TARS3: variants seen among roughly 807,000 people sequenced by gnomAD.
TARS3 encodes threonyl-tRNA synthetase 3.
A neutral mutation model predicts 103.5 loss-of-function variants in TARS3; 94 were observed. That is an observed-to-expected ratio of 0.91 (90% CI 0.77 to 1.08). TARS3 has a LOEUF of 1.08. Ranked by LOEUF, TARS3 falls within the 50% of genes least tolerant of loss-of-function variation. The probability of loss-of-function intolerance (pLI) is 0.00; values close to 1 mark genes in which losing one functional copy is unlikely to be tolerated. For synonymous variants in TARS3, 416 were observed against 355.4 expected (o/e 1.17, Z -1.92); for missense variants, 952 against 995.2 (o/e 0.96, Z 0.58).
rs1332130016 is a variant in TARS3 at position 101,671,733 on chromosome 15, A to G, written c.1804T>C (p.Leu602=). ...TTCCACGGTTCTCCAAAGTCCATCA[A>G]GCTGTTCTGCAGTTGCTTTTTCAAA... is the stretch of plus-strand genomic sequence containing the variant. ...NEAEKQLQNS[L]MDFGEPWKMN... The change falls in exon 14 of 19, where the codon TTG becomes CTG. Residue 602 remains leucine (L), a synonymous_variant. Transcript: ENST00000335968. 6.2e-7 allele frequency: 1 copy of G among 1,614,052 alleles called. No homozygotes were observed. The highest frequency in any genetic ancestry group is 8.5e-7 in the Non-Finnish European group (1 of 1,179,996).
chr15:101,709,017 T>C (rs1343236839), intron 5 of TARS3, 107 bp from the exon 6 acceptor site: 7 of 720,338 alleles, frequency 9.7e-6, no homozygotes, highest in African/African-American at 3.6e-5. Context: ...TGCTGTCTTA[T>C]TGTTCCAGGA....
chr15:101,686,672 T>C (rs1898490154), intron 10 of TARS3, among the ~76,000 whole-genome samples: 1 of 152,184 alleles, frequency 6.6e-6, no homozygotes, highest in African/African-American at 2.4e-5. Flanking sequence ...GTGATCTTTG[T>C]TGGGTAAATA....
chr15:101,723,937 ACCGAG>A (rs1900621773), intron 1 of TARS3, among the ~76,000 whole-genome samples, 149 bp downstream of exon 1: 1 of 132,942 alleles, frequency 7.5e-6, no homozygotes, highest in Non-Finnish European at 1.6e-5. Flanking sequence ...ACACGGGACC[ACCGAG>A]CAGGGCAGGG....
At chr15:101,715,919 T>C (rs1249697693) in intron 3 of TARS3, among the ~76,000 whole-genome samples, 1 of 152,276 alleles carries the variant, frequency 6.6e-6, no homozygotes, top group Non-Finnish European at 1.5e-5. Context: ...TTAAAATCTT[T>C]ATCAATGTGA....
intron 12 of TARS3, 70 bp from the exon 13 acceptor site, chr15:101,675,807 T>G: frequency 2.7e-6 from 4 of 1,488,172 alleles, no homozygotes; most frequent in Non-Finnish European, 3.7e-6. Context: ...AATACAATTC[T>G]TCATGTCAGA....
chr15:101,691,630 A>T (rs1037355717), intron 10 of TARS3, among the ~76,000 whole-genome samples: 7 of 152,188 alleles, frequency 4.6e-5, no homozygotes, highest in African/African-American at 1.7e-4. Flanking sequence ...GATTCACAAC[A>T]TGATGTTATA....
Position 101,702,365 on chromosome 15 carries a change from C to T in TARS3, c.1095G>A (p.Glu365=). 2 of 1,613,642 alleles carry T rather than the reference C, an allele frequency of 1.2e-6. No homozygotes were observed. The highest frequency in any genetic ancestry group is 2.7e-5 in the African/African-American group (2 of 74,998). ...KIFKNSSTYW[E]GNPEMETLQR... is the part of the protein sequence containing the mutation. ...GCAATGTTTCCATTTCCGGATTGCC[C>T]TCCCAATATGTTGAGGAATTCTAAA... is the stretch of plus-strand genomic sequence containing the variant. The change falls in exon 9 of 19, where the codon GAG becomes GAA. Residue 365 remains glutamate (E), a synonymous_variant. Transcript: ENST00000335968.
At chr15:101,681,674 A>C (rs1898261420) in intron 12 of TARS3, among the ~76,000 whole-genome samples, 1 of 152,212 alleles carries the variant, frequency 6.6e-6, no homozygotes, top group African/African-American at 2.4e-5. Flanking sequence ...CTGTGTCCTC[A>C]CACGGCAGAG....
chr15:101,699,313 C>G (rs1305339034), intron 10 of TARS3: 2 of 439,954 alleles, frequency 4.5e-6, no homozygotes, highest in East Asian at 7.2e-5. Flanking sequence ...AGGGACCCTT[C>G]CCAACCAGTG....
intron 3 of TARS3, among the ~76,000 whole-genome samples, chr15:101,716,334 G>C (rs1900157816): frequency 6.6e-6 from 1 of 151,624 alleles, no homozygotes; most frequent in South Asian, 2.1e-4. Context: ...AGTTAAGAAA[G>C]GAAACCTGGA....
intron 10 of TARS3, among the ~76,000 whole-genome samples, chr15:101,698,678 T>G (rs1899103515): frequency 6.6e-6 from 1 of 152,098 alleles, no homozygotes. Context: ...ATAACTTGAG[T>G]TTTTAGTTCA....
chr15:101,694,373 C>G (rs149789479), intron 10 of TARS3, among the ~76,000 whole-genome samples: 14 of 152,332 alleles, frequency 9.2e-5, no homozygotes, highest in African/African-American at 3.1e-4. Flanking sequence ...TATATTCCAT[C>G]GTGCTCAGCA....
At chr15:101,676,623 C>T (rs1036166377) in intron 12 of TARS3, among the ~76,000 whole-genome samples, 8 of 151,946 alleles carry the variant, frequency 5.3e-5, no homozygotes, top group East Asian at 1.9e-4. Flanking sequence ...CTCAGGCTCC[C>T]GAGTAGCTGG....
chr15:101,697,723 G>A (rs1216611903), intron 10 of TARS3, among the ~76,000 whole-genome samples: 2 of 152,108 alleles, frequency 1.3e-5, no homozygotes, highest in African/African-American at 2.4e-5. Flanking sequence ...GAAAACCTCA[G>A]AATGATCTAC....
At chr15:101,685,752 G>C (rs527377607) in intron 11 of TARS3, 144 bp downstream of exon 11, 1 of 583,980 alleles carries the variant, frequency 1.7e-6, no homozygotes, top group African/African-American at 1.9e-5. Context: ...TCCATTCTCC[G>C]GAATGAAACA....
chr15:101,723,056 G>A (rs1567363882), intron 2 of TARS3, 37 bp downstream of exon 2: 3 of 1,541,850 alleles, frequency 1.9e-6, no homozygotes, highest in East Asian at 2.2e-5. Flanking sequence ...TAAAATTACA[G>A]GTAGTATTTT....
intron 4 of TARS3, among the ~76,000 whole-genome samples, chr15:101,713,473 C>G (rs554256800): frequency 2.2e-4 from 33 of 152,230 alleles, no homozygotes; most frequent in African/African-American, 7.9e-4. Flanking sequence ...GGGGACAAAA[C>G]AGCAAGTAGG....
intron 15 of TARS3, 82 bp downstream of exon 15, chr15:101,671,404 G>T (rs1159394059): frequency 2.0e-6 from 2 of 1,017,844 alleles, no homozygotes; most frequent in Non-Finnish European, 3.0e-6. Context: ...ATTCACTAAT[G>T]TTTATTTTTG....
chr15:101,721,172 C>G lies in TARS3; in HGVS notation c.520G>C (p.Gly174Arg). 1.9e-6 allele frequency: 3 copies of G among 1,612,746 alleles called. No homozygotes were observed. Among genetic ancestry groups the G allele is most frequent in the Non-Finnish European group, 2.5e-6 (3 of 1,178,876 alleles). ...TAAGGCGTTGTTTTCCAGACTTCCC[C>G]TTGCACTGTTTGCCCATCAGCCACT... ...VRVADGQTVQ[G>R]EVWKTTPYQV... Residue 174 changes from glycine (G) to arginine (R), a missense_variant, in exon 3 of 19, where the codon GGG (glycine) becomes CGG (arginine). Gly to Arg is a moderately radical substitution (Grantham distance 125, BLOSUM62 -2). Transcript: ENST00000335968.
Sources: gnomAD v4.1 joint callset for allele counts (sites outside exome capture counted in the v4.1 genomes callset) on GRCh38, gnomAD v4.1.1 for gene constraint, MANE v1.5 for transcripts, NCBI Gene and HGNC (gene_info 2026-07-23, HGNC 2026-07-21) for gene names.